Variants in PRCP observed in about 807,000 individuals in gnomAD.
PRCP encodes lysosomal Pro-X carboxypeptidase.
A neutral mutation model predicts 54.2 loss-of-function variants in PRCP; 46 were observed. That is an observed-to-expected ratio of 0.85 (90% CI 0.67 to 1.09). PRCP has a LOEUF of 1.09. Ranked by LOEUF, PRCP falls within the 50% of genes least tolerant of loss-of-function variation. The pLI is 0.00. For synonymous variants in PRCP, 240 were observed against 212.2 expected (o/e 1.13, Z -1.14); for missense variants, 613 against 596.8 (o/e 1.03, Z -0.28).
At chr11:82,861,377 GAAT>G (rs1220686985) in intron 1 of PRCP, among the ~76,000 whole-genome samples, 2 of 152,126 alleles carry the variant, frequency 1.3e-5, no homozygotes, top group Admixed American at 1.3e-4. Flanking sequence ...TTAGGAAAAT[GAAT>G]AATATGAAAA....
At chr11:82,873,768 A>G (rs988380016) in intron 1 of PRCP, among the ~76,000 whole-genome samples, 1 of 152,204 alleles carries the variant, frequency 6.6e-6, no homozygotes, top group Non-Finnish European at 1.5e-5. Context: ...AAAACCTACA[A>G]CCTCTTTTCA....
intron 6 of PRCP, among the ~76,000 whole-genome samples, chr11:82,844,782 A>C (rs1430184477): frequency 6.6e-6 from 1 of 150,788 alleles, no homozygotes; most frequent in Admixed American, 6.6e-5. Flanking sequence ...GAAAAGAAAA[A>C]AACACAAATG....
At chr11:82,830,956 G>A (rs1858364839) in intron 8 of PRCP, 1 of 147,510 alleles carries the variant, frequency 6.8e-6, no homozygotes, top group Non-Finnish European at 1.5e-5. Context: ...AACAGTGTTT[G>A]GAGTTGCTGA....
At chr11:82,891,569 C>A (rs376572229) in intron 1 of PRCP, among the ~76,000 whole-genome samples, 1 of 152,142 alleles carries the variant, frequency 6.6e-6, no homozygotes, top group Non-Finnish European at 1.5e-5. Flanking sequence ...GCTCCCTGAA[C>A]CTCCTTTCTG....
At chr11:82,859,355 A>G (rs1565226322) in intron 2 of PRCP, among the ~76,000 whole-genome samples, 2 of 152,126 alleles carry the variant, frequency 1.3e-5, no homozygotes, top group African/African-American at 4.8e-5. Flanking sequence ...ACCTTTTCCC[A>G]TTCCTATTTG....
At chr11:82,884,559 CA>C (rs1377226918) in intron 1 of PRCP, among the ~76,000 whole-genome samples, 1 of 152,114 alleles carries the variant, frequency 6.6e-6, no homozygotes, top group Non-Finnish European at 1.5e-5. Context: ...TCAACAACTA[CA>C]AAAAATCCAG....
At chr11:82,846,969 T>A (rs1277198393) in intron 6 of PRCP, among the ~76,000 whole-genome samples, 2 of 152,242 alleles carry the variant, frequency 1.3e-5, no homozygotes, top group East Asian at 3.8e-4. Flanking sequence ...TGCCTATTTT[T>A]ACAAATAAGT....
At chr11:82,862,429 G>A (rs1460608293) in intron 1 of PRCP, among the ~76,000 whole-genome samples, 1 of 152,198 alleles carries the variant, frequency 6.6e-6, no homozygotes, top group African/African-American at 2.4e-5. Context: ...TGGAAAGACA[G>A]AAATGAGAAT....
chr11:82,851,774 T>A lies in PRCP; in HGVS notation c.412-1269A>T, dbSNP rs1858963032. 2.6e-5 allele frequency among the ~76,000 whole-genome samples: 4 copies of A among 152,260 alleles called. No individual in the cohort carries two copies. The South Asian group carries it at 8.3e-4, about 32-fold the overall frequency. On this transcript the variant is annotated intron_variant, in intron 3 of 8. Transcript: ENST00000313010. ...CTCACCATCCTGATTTCTTCCATCATCTGGCATATTACTGAATCACATAGA... is the reference window on the plus strand; with the variant it reads ...CTCACCATCCTGATTTCTTCCATCAACTGGCATATTACTGAATCACATAGA...
chr11:82,838,556 T>C lies in PRCP; in HGVS notation c.1105A>G (p.Met369Val), dbSNP rs778641346. The change falls in exon 8 of 9, where the codon ATG becomes GTG. Residue 369 changes from methionine (M) to valine (V), a missense_variant. Transcript: ENST00000313010. ...WSYQACTEVV[M>V]PFCTNGVDDM... Reference sequence around the variant, plus strand: ...TCGACACCATTAGTACAAAAGGGCATGACTACTTCTGTGCAGGCCTAAGAA... The same window carrying C: ...TCGACACCATTAGTACAAAAGGGCACGACTACTTCTGTGCAGGCCTAAGAA... 1.9e-6 allele frequency: 3 copies of C among 1,613,636 alleles called. No homozygotes were observed. The highest frequency in any genetic ancestry group is 2.7e-5 in the African/African-American group (2 of 75,006).
intron 3 of PRCP, 26 bp downstream of exon 3, chr11:82,853,150 TA>T: frequency 6.6e-7 from 1 of 1,511,268 alleles, no homozygotes; most frequent in South Asian, 1.2e-5. Flanking sequence ...AAAAAGCTTG[TA>T]ACTTTTAAGT....
At chr11:82,900,590 T>C (rs1403426813), upstream of PRCP, 4 of 772,428 alleles carry the variant, frequency 5.2e-6, no homozygotes, top group African/African-American at 1.7e-5. Context: ...TCCGCCCCCA[T>C]CCCCGAGGAC....
intron 1 of PRCP, among the ~76,000 whole-genome samples, chr11:82,899,480 G>C (rs184084450): frequency 3.3e-5 from 5 of 152,268 alleles, no homozygotes; most frequent in Non-Finnish European, 5.9e-5. Flanking sequence ...TTTTACACAG[G>C]CTTTCAGAAA....
At chr11:82,850,165 A>G in intron 4 of PRCP, 94 bp from the exon 5 acceptor site, 1 of 914,666 alleles carries the variant, frequency 1.1e-6, no homozygotes, top group South Asian at 5.7e-5. Context: ...TTAAAGTTGA[A>G]ACATAATAAA....
chr11:82,846,158 C>T (rs1211215703), intron 6 of PRCP: 1 of 152,010 alleles, frequency 6.6e-6, no homozygotes, highest in Non-Finnish European at 1.5e-5. Context: ...TGTTTGTCAG[C>T]CCTTTAAAAA....
At chr11:82,884,822 C>T (rs1488924886) in intron 1 of PRCP, 2 of 1,612,898 alleles carry the variant, frequency 1.2e-6, no homozygotes, top group African/African-American at 2.7e-5. Flanking sequence ...ATAACACCTA[C>T]CAGAGGAGTC....
intron 1 of PRCP, among the ~76,000 whole-genome samples, chr11:82,899,773 G>C (rs1004942636): frequency 6.6e-6 from 1 of 152,192 alleles, no homozygotes; most frequent in African/African-American, 2.4e-5. Context: ...GACCCCTTCT[G>C]AGAGGCTGGC....
chr11:82,845,982 T>C (rs1591045323), intron 6 of PRCP: 1 of 152,206 alleles, frequency 6.6e-6, no homozygotes, highest in African/African-American at 2.4e-5. Flanking sequence ...AAAGGAACGA[T>C]ACTTGAATTG....
At chr11:82,880,356 T>C (rs1450361990) in intron 1 of PRCP, among the ~76,000 whole-genome samples, 1 of 152,188 alleles carries the variant, frequency 6.6e-6, no homozygotes, top group Non-Finnish European at 1.5e-5. Context: ...CAGGATATAA[T>C]CTCCTGGTGT....
Sources: allele counts gnomAD v4.1 joint callset (sites outside exome capture counted in the v4.1 genomes callset), GRCh38; gene constraint gnomAD v4.1.1; transcripts MANE v1.5; gene names NCBI Gene and HGNC (gene_info 2026-07-23, HGNC 2026-07-21).